NKAIN2: variants seen among roughly 807,000 people sequenced by gnomAD.
NKAIN2 encodes the protein sodium/potassium transporting ATPase interacting 2, also known as sodium/potassium-transporting ATPase subunit beta-1-interacting protein 2.
In NKAIN2, 14 loss-of-function variants were observed where a neutral mutation model predicts 32.6. The observed-to-expected ratio is 0.43, with a 90% CI of 0.28 to 0.67. NKAIN2 has a LOEUF of 0.67. Ranked by LOEUF, NKAIN2 falls within the 30% of genes least tolerant of loss-of-function variation. The pLI is 0.17. For synonymous variants in NKAIN2, 80 were observed against 87.2 expected (o/e 0.92, Z 0.46); for missense variants, 198 against 258.3 (o/e 0.77, Z 1.60).
chr6:124,617,640 A>G (rs1378497287), intron 3 of NKAIN2, among the ~76,000 whole-genome samples: 1 of 152,120 alleles, frequency 6.6e-6, no homozygotes, highest in Admixed American at 6.5e-5. Flanking sequence ...CAGTGCAAGG[A>G]CTCACTCATA....
intron 1 of NKAIN2, among the ~76,000 whole-genome samples, chr6:124,128,065 G>A (rs1786271851): frequency 6.6e-6 from 1 of 152,138 alleles, no homozygotes; most frequent in South Asian, 2.1e-4. Context: ...CTGACCTCAG[G>A]TGATCCGCCC....
At chr6:123,876,139 A>T (rs889608456) in intron 1 of NKAIN2, among the ~76,000 whole-genome samples, 1 of 152,162 alleles carries the variant, frequency 6.6e-6, no homozygotes, top group Non-Finnish European at 1.5e-5. Flanking sequence ...CTGGAATTTC[A>T]TTAAATTTTA....
intron 3 of NKAIN2, among the ~76,000 whole-genome samples, chr6:124,523,587 T>C (rs1779203799): frequency 6.6e-6 from 1 of 152,058 alleles, no homozygotes. Context: ...TATGGTGAGT[T>C]AGATCTTGGC....
chr6:124,142,150 G>A (rs996583494), intron 1 of NKAIN2, among the ~76,000 whole-genome samples: 3 of 152,096 alleles, frequency 2.0e-5, no homozygotes, highest in Non-Finnish European at 4.4e-5. Flanking sequence ...GACACATTGG[G>A]ATTCTACTTG....
intron 1 of NKAIN2, among the ~76,000 whole-genome samples, chr6:124,092,512 T>C (rs1192181229): frequency 6.6e-6 from 1 of 152,098 alleles, no homozygotes; most frequent in African/African-American, 2.4e-5. Flanking sequence ...TGTAATTCTT[T>C]CCTTTGTGGG....
At chr6:123,868,909 AAAAG>A (rs978174022) in intron 1 of NKAIN2, among the ~76,000 whole-genome samples, 2 of 152,146 alleles carry the variant, frequency 1.3e-5, no homozygotes, top group Admixed American at 1.3e-4. Flanking sequence ...TACTTTTTTA[AAAAG>A]AAAGAGGATA....
At chr6:123,936,205 C>T (rs1408342224) in intron 1 of NKAIN2, among the ~76,000 whole-genome samples, 1 of 152,086 alleles carries the variant, frequency 6.6e-6, no homozygotes, top group Non-Finnish European at 1.5e-5. Context: ...CATTGTGCAT[C>T]GCACACATTG....
intron 3 of NKAIN2, among the ~76,000 whole-genome samples, chr6:124,429,501 T>G (rs1206432746): frequency 6.6e-6 from 1 of 152,222 alleles, no homozygotes. Flanking sequence ...GGCTAGCCAC[T>G]CAGTTCTATC....
intron 2 of NKAIN2, among the ~76,000 whole-genome samples, chr6:124,339,455 G>C (rs1248097099): frequency 6.6e-6 from 1 of 152,138 alleles, no homozygotes; most frequent in Non-Finnish European, 1.5e-5. Context: ...AGAGTCTCTG[G>C]GGGAAAATTC....
At chr6:124,135,813 T>A (rs1029564064) in intron 1 of NKAIN2, among the ~76,000 whole-genome samples, 34 of 152,064 alleles carry the variant, frequency 2.2e-4, no homozygotes, top group African/African-American at 8.2e-4. Flanking sequence ...GATGGAAATT[T>A]AAAAATTATT....
At chr6:124,397,527 GT>G (rs71776352) in intron 3 of NKAIN2, among the ~76,000 whole-genome samples, 1,490 of 144,936 alleles carry the variant, frequency 0.01, 10 homozygotes, top group Non-Finnish European at 0.015. Context: ...GTCACAGAGA[GT>G]TTTTTTTTTT....
At chr6:123,853,401 A>G (rs1473692404) in intron 1 of NKAIN2, among the ~76,000 whole-genome samples, 1 of 152,210 alleles carries the variant, frequency 6.6e-6, no homozygotes, top group Non-Finnish European at 1.5e-5. Flanking sequence ...GTGAAAACCT[A>G]TGGGAAATGT....
intron 1 of NKAIN2, among the ~76,000 whole-genome samples, chr6:124,028,729 G>GTGTATA (rs1562317001): frequency 6.8e-6 from 1 of 146,782 alleles, no homozygotes; most frequent in African/African-American, 2.6e-5. Flanking sequence ...GTATATACGT[G>GTGTATA]TATACACGTA....
intron 5 of NKAIN2, among the ~76,000 whole-genome samples, chr6:124,804,996 C>G (rs1039710957): frequency 1.8e-4 from 28 of 152,300 alleles, no homozygotes; most frequent in Non-Finnish European, 3.1e-4. Flanking sequence ...CCGGGAAGCT[C>G]GAACTGGGTG....
chr6:124,718,918 AT>A (rs1775889290), intron 4 of NKAIN2, among the ~76,000 whole-genome samples: 1 of 152,174 alleles, frequency 6.6e-6, no homozygotes, highest in South Asian at 2.1e-4. Flanking sequence ...ATAAAAAAAA[AT>A]GAACTACAAT....
chr6:124,756,504 T>C (rs997822863), intron 4 of NKAIN2, among the ~76,000 whole-genome samples: 5 of 152,058 alleles, frequency 3.3e-5, no homozygotes, highest in Non-Finnish European at 7.4e-5. Context: ...AAAGAATATT[T>C]AAATAGGCAA....
chr6:124,569,540 C>T (rs1781047877), intron 3 of NKAIN2, among the ~76,000 whole-genome samples: 1 of 152,114 alleles, frequency 6.6e-6, no homozygotes, highest in Non-Finnish European at 1.5e-5. Context: ...GGGGACTGGT[C>T]TTTCCCATGC....
chr6:124,542,873 G>A (rs186099291), intron 3 of NKAIN2, among the ~76,000 whole-genome samples: 387 of 152,006 alleles, frequency 2.5e-3, no homozygotes, highest in African/African-American at 8.9e-3. Flanking sequence ...ATAACATTTC[G>A]AACATTAAAA....
At chr6:124,801,267 C>A (rs983116464) in intron 5 of NKAIN2, among the ~76,000 whole-genome samples, 2 of 152,062 alleles carry the variant, frequency 1.3e-5, no homozygotes, top group South Asian at 2.1e-4. Context: ...ATTCATTATG[C>A]CTTTGTGGAT....
Sources: gnomAD v4.1 joint callset for allele counts (sites outside exome capture counted in the v4.1 genomes callset) on GRCh38, gnomAD v4.1.1 for gene constraint, MANE v1.5 for transcripts, NCBI Gene and HGNC (gene_info 2026-07-23, HGNC 2026-07-21) for gene names.